The following FRS2 variants were observed in gnomAD, a reference collection of about 807,000 sequenced individuals.
The protein encoded by FRS2 is FGFR signalling adaptor.
FRS2 carries 8 observed loss-of-function variants against 43.9 expected under a neutral mutation model. The observed-to-expected ratio is 0.18, with a 90% CI of 0.11 to 0.33. The LOEUF (loss-of-function observed/expected upper bound fraction) is 0.33, where lower values mean the gene tolerates loss of function less well. Among genes scored for constraint, FRS2 ranks in the 10% least tolerant of loss-of-function variants. The probability of loss-of-function intolerance (pLI) is 1.00; values close to 1 mark genes in which losing one functional copy is unlikely to be tolerated. For synonymous variants in FRS2, 219 were observed against 220.3 expected, an observed-to-expected ratio of 0.99 and a Z score of 0.05; for missense variants, 534 against 627.6, an observed-to-expected ratio of 0.85 and a Z score of 1.59.
At chr12:69,568,712 G>A (rs1447873423) in intron 4 of FRS2, among the ~76,000 whole-genome samples, 2 of 108,200 alleles carry the variant, frequency 1.8e-5, no homozygotes, top group Non-Finnish European at 3.5e-5. Context: ...TTATATATGA[G>A]ACCTTAAGTT....
chr12:69,574,781 G>C lies in FRS2; in HGVS notation c.1353G>C (p.Gln451His). 1 of 1,614,128 alleles carries C rather than the reference G, an allele frequency of 6.2e-7. No individual in the cohort carries two copies. Among genetic ancestry groups the C allele is most frequent in the Non-Finnish European group, 8.5e-7 (1 of 1,180,024 alleles). Residue 451 changes from glutamine (Q) to histidine (H), a missense_variant, in exon 9 of 9, where the codon CAG becomes CAC. Gln to His is a conservative substitution (Grantham distance 24). Coordinates refer to ENST00000549921, the MANE Select transcript of FRS2 (RefSeq NM_001278356.2). ...LEGGSDSDNP[Q>H]TPKTPTTPLP... is the part of the protein sequence containing the mutation. ...GTGGCAGTGACTCTGACAACCCTCA[G>C]ACTCCAAAAACGCCTACAACTCCCC...
At chr12:69,508,288 A>T (rs1480322784) in intron 1 of FRS2, among the ~76,000 whole-genome samples, 1 of 152,204 alleles carries the variant, frequency 6.6e-6, no homozygotes. Context: ...GTAAGCTTTT[A>T]TAAAATATAT....
intron 3 of FRS2, among the ~76,000 whole-genome samples, chr12:69,537,021 A>G (rs1277922012): frequency 6.6e-6 from 1 of 152,054 alleles, no homozygotes; most frequent in Non-Finnish European, 1.5e-5. Flanking sequence ...ACTTGTTTAT[A>G]ATTAATATAT....
chr12:69,521,768 C>T (rs889366489), intron 1 of FRS2, among the ~76,000 whole-genome samples: 4 of 152,132 alleles, frequency 2.6e-5, no homozygotes, highest in Non-Finnish European at 5.9e-5. Context: ...GTGCCCGCCA[C>T]CGCACCTGGC....
At chr12:69,545,755 CA>C (rs60460901) in intron 3 of FRS2, among the ~76,000 whole-genome samples, 20,626 of 80,352 alleles carry the variant, frequency 0.26, 1,524 homozygotes, top group East Asian at 0.57. Context: ...GACCCTGTCT[CA>C]AAAAAAAAAA....
chr12:69,539,386 G>A (rs1050432948), intron 3 of FRS2, among the ~76,000 whole-genome samples: 2 of 152,070 alleles, frequency 1.3e-5, no homozygotes, highest in African/African-American at 4.8e-5. Flanking sequence ...ATTTCAGGGG[G>A]TTTTTTGGAT....
intron 1 of FRS2, among the ~76,000 whole-genome samples, chr12:69,519,948 T>A (rs928191139): frequency 6.6e-6 from 1 of 152,220 alleles, no homozygotes; most frequent in Non-Finnish European, 1.5e-5. Flanking sequence ...CTGGATTGAA[T>A]GGTAGTTCTG....
intron 3 of FRS2, among the ~76,000 whole-genome samples, chr12:69,537,349 A>G (rs1593011282): frequency 6.7e-6 from 1 of 148,528 alleles, no homozygotes. Flanking sequence ...TTTTTTTTTT[A>G]CCTGAGGTAC....
intron 1 of FRS2, among the ~76,000 whole-genome samples, chr12:69,506,923 C>T (rs922626308): frequency 5.1e-4 from 77 of 152,042 alleles, no homozygotes; most frequent in African/African-American, 1.8e-3. Context: ...TGGGTTATCA[C>T]GGGAATAGGA....
At chr12:69,525,743 G>A (rs1565747231) in intron 1 of FRS2, among the ~76,000 whole-genome samples, 1 of 151,770 alleles carries the variant, frequency 6.6e-6, no homozygotes, top group South Asian at 2.1e-4. Context: ...ACTCAACCAA[G>A]TGGTATGTGT....
intron 4 of FRS2, 30 bp from the exon 5 acceptor site, chr12:69,568,973 TAA>T: frequency 9.5e-7 from 1 of 1,049,272 alleles, no homozygotes; most frequent in Non-Finnish European, 1.4e-6. Context: ...ATCCTTCATC[TAA>T]TAAATTTTTC....
In FRS2 at chr12:69,526,020, C is replaced by T. The variant is rs527812664; in HGVS notation, c.-260-4845C>T. On this transcript the variant is annotated intron_variant, in intron 1 of 8. Transcript: ENST00000549921. ...GATTACAGGCATGCACCACCACACC[C>T]GGCTAATTTTGTGTTTTTAGTAGAG... Among the ~76,000 whole-genome samples, 17 of 152,092 alleles carry T rather than the reference C, an allele frequency of 1.1e-4. No homozygotes were observed. In the East Asian group the frequency reaches 2.7e-3, roughly 24 times the overall value.
chr12:69,542,399 A>G (rs1001283198), intron 3 of FRS2, among the ~76,000 whole-genome samples: 42 of 152,216 alleles, frequency 2.8e-4, no homozygotes, highest in African/African-American at 8.9e-4. Context: ...TATAAAAAAT[A>G]TTACAAAATA....
chr12:69,501,918 G>A (rs545550525), intron 1 of FRS2, among the ~76,000 whole-genome samples: 128 of 152,184 alleles, frequency 8.4e-4, no homozygotes, highest in Admixed American at 2.4e-3. Flanking sequence ...GTGGAAGCAT[G>A]TGTGAAACAA....
At chr12:69,507,326 A>G (rs956950082) in intron 1 of FRS2, among the ~76,000 whole-genome samples, 1 of 152,228 alleles carries the variant, frequency 6.6e-6, no homozygotes, top group East Asian at 1.9e-4. Flanking sequence ...TTTGGTTGTT[A>G]TATCTCTGAC....
intron 7 of FRS2, 117 bp downstream of exon 7, chr12:69,571,551 AT>A: frequency 1.2e-6 from 1 of 862,524 alleles, no homozygotes; most frequent in Non-Finnish European, 1.8e-6. Context: ...CAGAAGTATA[AT>A]GGTTGTCAGT....
chr12:69,520,376 GTTTT>G (rs112572825), intron 1 of FRS2, among the ~76,000 whole-genome samples: 4 of 110,034 alleles, frequency 3.6e-5, no homozygotes, highest in Non-Finnish European at 5.4e-5. Flanking sequence ...TCTATTATTA[GTTTT>G]TTTTTTTTTT....
In FRS2 at chr12:69,578,427, T is replaced by A. The variant is rs1254835106; in HGVS notation, c.*3472T>A. 6.6e-6 allele frequency: 1 copy of A among 152,586 alleles called. No individual in the cohort carries two copies. Among genetic ancestry groups the A allele is most frequent in the Non-Finnish European group, 1.5e-5 (1 of 68,020 alleles). 9.5% of individuals were successfully genotyped at this position (152,586 alleles called of 1,614,324 possible). ...TGAAAAATTAACATATTTTATGACG[T>A]ACCACAGTATACTCTGCCCAAACCA... On this transcript the variant is annotated 3_prime_UTR_variant, in exon 9 of 9. Transcript: ENST00000549921.
chr12:69,508,228 A>G (rs1021567139), intron 1 of FRS2, among the ~76,000 whole-genome samples: 1 of 152,144 alleles, frequency 6.6e-6, no homozygotes, highest in Non-Finnish European at 1.5e-5. Flanking sequence ...TACAAATGCT[A>G]GTCATTGAAA....
Sources: allele counts gnomAD v4.1 joint callset (sites outside exome capture counted in the v4.1 genomes callset), GRCh38; gene constraint gnomAD v4.1.1; transcripts MANE v1.5; gene names NCBI Gene and HGNC (gene_info 2026-07-23, HGNC 2026-07-21).